Variants in KAZN observed in about 807,000 individuals in gnomAD.
The protein encoded by KAZN is kazrin, periplakin interacting protein, also known as kazrin.
Under a neutral mutation model 87.4 loss-of-function variants are expected in KAZN, and 40 were observed. That is an observed-to-expected ratio of 0.46 (90% CI 0.36 to 0.60). The LOEUF is 0.60. Among genes scored for constraint, KAZN ranks in the 20% least tolerant of loss-of-function variants. The pLI, the probability that KAZN is intolerant of heterozygous loss-of-function variation, is 0.00. For synonymous variants in KAZN, 466 were observed against 458.3 expected (o/e 1.02, Z -0.22); for missense variants, 898 against 1,073.9 (o/e 0.84, Z 2.29).
intron 1 of KAZN, among the ~76,000 whole-genome samples, chr1:14,960,099 A>G (rs1663658769): frequency 6.6e-6 from 1 of 152,138 alleles, no homozygotes; most frequent in Non-Finnish European, 1.5e-5. Flanking sequence ...GAGCTCCTCG[A>G]GGGTATGTGT....
In KAZN at chr1:15,116,820, T is replaced by C. The variant is rs1004996198; in HGVS notation, c.*2185T>C. The C allele has an allele frequency of 2.0e-5, 3 of 152,344 alleles. No homozygotes were observed. Among genetic ancestry groups the C allele is most frequent in the Non-Finnish European group, 2.9e-5 (2 of 68,028 alleles). 9.4% of individuals were successfully genotyped at this position (152,344 alleles called of 1,614,324 possible). ...CAACTTGTCAGAAATGGCACTTACA[T>C]GGTTCGATCTTGCTGGAGACAAGTG... is the stretch of plus-strand genomic sequence containing the variant. On this transcript the variant is annotated 3_prime_UTR_variant, in exon 15 of 15. Transcript: ENST00000376030.
intron 1 of KAZN, among the ~76,000 whole-genome samples, chr1:14,849,221 G>A (rs915692817): frequency 6.6e-6 from 1 of 152,282 alleles, no homozygotes; most frequent in East Asian, 1.9e-4. Context: ...GTCATGAAGT[G>A]CTGACTGATT....
intron 1 of KAZN, among the ~76,000 whole-genome samples, chr1:14,096,813 G>A (rs746122433): frequency 7.2e-5 from 11 of 152,146 alleles, no homozygotes; most frequent in African/African-American, 1.9e-4. Flanking sequence ...CTACTTCAAC[G>A]CTCCTTAAAA....
At chr1:14,614,972 G>T (rs1678112658) in intron 1 of KAZN, among the ~76,000 whole-genome samples, 3 of 152,220 alleles carry the variant, frequency 2.0e-5, no homozygotes, top group Admixed American at 2.0e-4. Flanking sequence ...GATAATGCTG[G>T]TCCTGACCTC....
chr1:14,106,579 C>G (rs186287183), intron 1 of KAZN, among the ~76,000 whole-genome samples: 324 of 152,284 alleles, frequency 2.1e-3, no homozygotes, highest in Non-Finnish European at 3.7e-3. Context: ...TCTGCCTCCT[C>G]CCCATCCAAA....
At position 14,362,507 on chromosome 1, in the gene KAZN, C is replaced by T. The variant is rs1211629633; in HGVS notation, c.249+181915C>T. Among the ~76,000 whole-genome samples the T allele has an allele frequency of 2.0e-5, 3 of 152,168 alleles. No homozygotes were observed. The East Asian group carries it at 5.8e-4, about 29-fold the overall frequency. ...GCAAGCCACAGGTCCTGCCTATGCT[C>T]AAAGGCAGGGGATCAGACATGAGGA... On this transcript the variant is annotated intron_variant, in intron 2 of 16. Transcript: ENST00000636203.
chr1:14,182,315 G>C (rs756232024), intron 2 of KAZN, among the ~76,000 whole-genome samples: 1 of 152,136 alleles, frequency 6.6e-6, no homozygotes, highest in Non-Finnish European at 1.5e-5. Context: ...CTGAAGGTAG[G>C]TGTCTACCTG....
chr1:14,157,920 A>G (rs946009684), intron 1 of KAZN, among the ~76,000 whole-genome samples: 2 of 152,114 alleles, frequency 1.3e-5, no homozygotes, highest in Non-Finnish European at 2.9e-5. Flanking sequence ...TTATAAAACC[A>G]TCAGATCTCA....
chr1:14,582,404 G>A (rs1675610961), intron 2 of KAZN, among the ~76,000 whole-genome samples: 1 of 152,196 alleles, frequency 6.6e-6, no homozygotes, highest in South Asian at 2.1e-4. Context: ...TACACAATGA[G>A]AGGGCTGAAC....
Position 14,996,691 on chromosome 1 carries a change from G to A in KAZN, c.418+35816G>A, listed in dbSNP as rs891143098. 3.9e-5 allele frequency among the ~76,000 whole-genome samples: 6 copies of A among 152,106 alleles called. No homozygotes were observed. The highest frequency in any genetic ancestry group is 6.5e-5 in the Admixed American group (1 of 15,270). On this transcript the variant is annotated intron_variant, in intron 2 of 14. Transcript: ENST00000376030. This position sits in a 1 kb window ranked among gnomAD's most constrained non-coding sequence, Gnocchi z 5.9. ...TGTGTCCCCTACATTCTCTACGCACGACCGAGGGCCATTCTTCCCTCACTG... is the reference window on the plus strand; with the variant it reads ...TGTGTCCCCTACATTCTCTACGCACAACCGAGGGCCATTCTTCCCTCACTG...
intron 1 of KAZN, among the ~76,000 whole-genome samples, chr1:14,138,795 G>A (rs533877034): frequency 1.3e-4 from 20 of 152,314 alleles, no homozygotes; most frequent in African/African-American, 4.8e-4. Context: ...CCCACTAGTG[G>A]AATGAATGGG....
At chr1:14,998,628 A>G (rs1026945881) in intron 2 of KAZN, among the ~76,000 whole-genome samples, 5 of 152,136 alleles carry the variant, frequency 3.3e-5, no homozygotes, top group Non-Finnish European at 7.3e-5. Flanking sequence ...AGCTCACGGC[A>G]ACCTCTGCCT....
intron 1 of KAZN, among the ~76,000 whole-genome samples, chr1:14,702,811 T>G (rs1215371779): frequency 6.6e-6 from 1 of 152,180 alleles, no homozygotes; most frequent in Non-Finnish European, 1.5e-5. Flanking sequence ...TGCCCACCTT[T>G]TAGTATCACC....
In KAZN at chr1:14,923,520, G is replaced by A. The variant is rs1366482326; in HGVS notation, c.227-37164G>A. Among the ~76,000 whole-genome samples the A allele has an allele frequency of 6.6e-6, 1 of 152,178 alleles. No individual in the cohort carries two copies. Among genetic ancestry groups the A allele is most frequent in the African/African-American group, 2.4e-5 (1 of 41,432 alleles). On this transcript the variant is annotated intron_variant, in intron 1 of 14. Transcript: ENST00000376030. The surrounding 1 kb of genome is among the most constrained non-coding windows in gnomAD (Gnocchi z 4.2). ...GCTGCCATAGTTGGAGAGTTCATGG[G>A]CAGCACTGATAATGGACAGTGGGGA... is the stretch of plus-strand genomic sequence containing the variant.
At chr1:14,368,713 C>A (rs1660214430) in intron 2 of KAZN, among the ~76,000 whole-genome samples, 1 of 152,176 alleles carries the variant, frequency 6.6e-6, no homozygotes, top group African/African-American at 2.4e-5. Context: ...ACCATGCACC[C>A]AAACTGAAGA....
Position 14,012,159 on chromosome 1 carries a change from T to C in KAZN, c.91+118403T>C, listed in dbSNP as rs562281983. ...GAATCTACACTGAGTTTTTAAGGAA[T>C]GTAACTACATGTAAATCAAAGATAC... On this transcript the variant is annotated intron_variant, in intron 1 of 16. Transcript: ENST00000636203. 3.3e-4 allele frequency among the ~76,000 whole-genome samples: 51 copies of C among 152,276 alleles called. 2 individuals are homozygous for C. The South Asian group carries it at 8.5e-3, about 25-fold the overall frequency.
At chr1:14,127,486 A>C (rs1011847967) in intron 1 of KAZN, among the ~76,000 whole-genome samples, 2 of 150,962 alleles carry the variant, frequency 1.3e-5, no homozygotes, top group Non-Finnish European at 2.9e-5. Flanking sequence ...TAAAGCCAGG[A>C]GGCCAGGAAA....
chr1:14,692,160 TG>T, intron 1 of KAZN: 1 of 369,236 alleles, frequency 2.7e-6, no homozygotes, highest in Non-Finnish European at 5.0e-6. Context: ...TAGTACTAAA[TG>T]TGCTTCTTTA....
At chr1:14,315,707 C>A (rs577192382) in intron 2 of KAZN, among the ~76,000 whole-genome samples, 1 of 152,076 alleles carries the variant, frequency 6.6e-6, no homozygotes, top group African/African-American at 2.4e-5. Flanking sequence ...AAAGATTTAT[C>A]CCTAGTGTTG....
Sources: gnomAD v4.1 joint callset for allele counts (sites outside exome capture counted in the v4.1 genomes callset) on GRCh38, gnomAD v4.1.1 for gene constraint, Gnocchi (gnomAD v3.1) non-coding constraint, MANE v1.5 for transcripts, NCBI Gene and HGNC (gene_info 2026-07-23, HGNC 2026-07-21) for gene names.